SPMIP4: variants seen among roughly 807,000 people sequenced by gnomAD.
SPMIP4 encodes sperm-associated microtubule inner protein 4.
chr7:25,136,358 G>A, the SPMIP4 span: 1 of 1,614,164 alleles, frequency 6.2e-7, no homozygotes, highest in African/African-American at 1.3e-5. The surrounding 1 kb of genome is among the most constrained non-coding windows in gnomAD (Gnocchi z 5.7). Flanking sequence ...TTTTCATAGT[G>A]AATCCAGTGG....
At chr7:25,178,217 A>T in the SPMIP4 span, among the ~76,000 whole-genome samples, 1 of 152,180 alleles carries the variant, frequency 6.6e-6, no homozygotes, top group East Asian at 1.9e-4. Flanking sequence ...ACTGATGGTC[A>T]TTTATGCTGA....
chr7:25,136,074 GA>G, the SPMIP4 span: 3 of 1,614,072 alleles, frequency 1.9e-6, no homozygotes, highest in African/African-American at 4.0e-5. The surrounding 1 kb of genome is among the most constrained non-coding windows in gnomAD (Gnocchi z 5.7). Context: ...TTGATTTATG[GA>G]AACGCTTTTG....
chr7:25,160,899 G>C, the SPMIP4 span, among the ~76,000 whole-genome samples: 14 of 152,220 alleles, frequency 9.2e-5, no homozygotes, highest in African/African-American at 3.4e-4. Flanking sequence ...GGGTAAGTAG[G>C]TCAAAGGCAG....
the SPMIP4 span, among the ~76,000 whole-genome samples, chr7:25,178,207 A>C: frequency 6.6e-6 from 1 of 152,160 alleles, no homozygotes; most frequent in Non-Finnish European, 1.5e-5. Flanking sequence ...CCAGTCAACC[A>C]CTGATGGTCA....
At chr7:25,142,294 G>A in the SPMIP4 span, 6 of 1,612,690 alleles carry the variant, frequency 3.7e-6, no homozygotes, top group East Asian at 2.2e-5. Flanking sequence ...ATCTTTTCAT[G>A]GTAATCATCC....
the SPMIP4 span, among the ~76,000 whole-genome samples, chr7:25,165,648 G>A: frequency 7.3e-4 from 111 of 152,250 alleles, no homozygotes; most frequent in Admixed American, 2.6e-3. Flanking sequence ...GCGCCTGGCC[G>A]CATTTTCTTA....
the SPMIP4 span, among the ~76,000 whole-genome samples, chr7:25,153,915 C>T: frequency 1.3e-5 from 2 of 152,220 alleles, no homozygotes; most frequent in African/African-American, 4.8e-5. Flanking sequence ...GCATGGTACA[C>T]ACATACTGCA....
At chr7:25,144,960 G>GTTT in the SPMIP4 span, among the ~76,000 whole-genome samples, 5 of 145,728 alleles carry the variant, frequency 3.4e-5, no homozygotes, top group Non-Finnish European at 6.0e-5. Flanking sequence ...AAGAAGGACT[G>GTTT]TTTTTTTTTT....
the SPMIP4 span, among the ~76,000 whole-genome samples, chr7:25,131,703 G>C: frequency 6.6e-6 from 1 of 152,290 alleles, no homozygotes; most frequent in East Asian, 1.9e-4. This position sits in a 1 kb window ranked among gnomAD's most constrained non-coding sequence, Gnocchi z 4.2. Flanking sequence ...CAGATTCCAA[G>C]GAATGGAATC....
At chr7:25,156,956 G>A in the SPMIP4 span, among the ~76,000 whole-genome samples, 1 of 152,044 alleles carries the variant, frequency 6.6e-6, no homozygotes, top group Non-Finnish European at 1.5e-5. Context: ...CAAAGTGCTG[G>A]GATTACAGGC....
chr7:25,138,585 G>A, the SPMIP4 span, among the ~76,000 whole-genome samples: 1 of 152,066 alleles, frequency 6.6e-6, no homozygotes, highest in Non-Finnish European at 1.5e-5. The surrounding 1 kb of genome is among the most constrained non-coding windows in gnomAD (Gnocchi z 6.2). Context: ...TAACCACAAT[G>A]AGTTAATACT....
the SPMIP4 span, among the ~76,000 whole-genome samples, chr7:25,148,571 T>C: frequency 2.0e-5 from 3 of 146,354 alleles, no homozygotes; most frequent in Admixed American, 1.4e-4. Flanking sequence ...GCCTCCCGAG[T>C]TCATGCGATT....
At chr7:25,131,568 G>T in the SPMIP4 span, among the ~76,000 whole-genome samples, 1 of 152,218 alleles carries the variant, frequency 6.6e-6, no homozygotes, top group Non-Finnish European at 1.5e-5. This position sits in a 1 kb window ranked among gnomAD's most constrained non-coding sequence, Gnocchi z 4.2. Flanking sequence ...TTGTTACGGT[G>T]GGGGAGGAGT....
the SPMIP4 span, among the ~76,000 whole-genome samples, chr7:25,140,491 A>G: frequency 4.0e-5 from 6 of 151,670 alleles, no homozygotes; most frequent in Non-Finnish European, 8.8e-5. Context: ...TAGTAGAGAC[A>G]GGGTTTCACC....
the SPMIP4 span, among the ~76,000 whole-genome samples, chr7:25,131,455 G>A: frequency 6.6e-6 from 1 of 152,226 alleles, no homozygotes; most frequent in Non-Finnish European, 1.5e-5. This position sits in a 1 kb window ranked among gnomAD's most constrained non-coding sequence, Gnocchi z 4.2. Flanking sequence ...TGCCAGAAAG[G>A]TTGTGGACTG....
the SPMIP4 span, among the ~76,000 whole-genome samples, chr7:25,161,944 A>G: frequency 6.6e-6 from 1 of 152,150 alleles, no homozygotes; most frequent in East Asian, 1.9e-4. Context: ...CTATTTTAAA[A>G]GTCAAAAGCC....
At chr7:25,147,352 TG>T in the SPMIP4 span, among the ~76,000 whole-genome samples, 1 of 152,156 alleles carries the variant, frequency 6.6e-6, no homozygotes, top group Non-Finnish European at 1.5e-5. Context: ...GAATGTTGAT[TG>T]GTTTGGTAAC....
At chr7:25,163,949 T>C in the SPMIP4 span, among the ~76,000 whole-genome samples, 1 of 152,232 alleles carries the variant, frequency 6.6e-6, no homozygotes, top group Non-Finnish European at 1.5e-5. The surrounding 1 kb of genome is among the most constrained non-coding windows in gnomAD (Gnocchi z 4.4). Context: ...CAAAAGACAT[T>C]GGGCAACAGT....
the SPMIP4 span, among the ~76,000 whole-genome samples, chr7:25,170,186 C>T: frequency 7.6e-6 from 1 of 130,976 alleles, no homozygotes; most frequent in African/African-American, 4.6e-5. Flanking sequence ...ATCTCCACAT[C>T]TTTGCCAACA....
Sources: allele counts gnomAD v4.1 joint callset (sites outside exome capture counted in the v4.1 genomes callset), GRCh38; gene constraint gnomAD v4.1.1; non-coding constraint Gnocchi (gnomAD v3.1); transcripts MANE v1.5; gene names NCBI Gene and HGNC (gene_info 2026-07-23, HGNC 2026-07-21).